The following ACSM3 variants were observed in gnomAD, a reference collection of about 807,000 sequenced individuals.
ACSM3 encodes acyl-CoA synthetase medium chain family member 3.
Under a neutral mutation model 74.1 loss-of-function variants are expected in ACSM3, and 61 were observed. That is an observed-to-expected ratio of 0.82 (90% CI 0.67 to 1.02). The LOEUF is 1.02. Among genes scored for constraint, ACSM3 ranks in the 50% least tolerant of loss-of-function variants. The pLI is 0.00. For synonymous variants in ACSM3, 213 were observed against 241.5 expected (o/e 0.88, Z 1.09); for missense variants, 660 against 697.0 (o/e 0.95, Z 0.60).
At chr16:20,745,537 G>A (rs919720452) in intron 1 of ACSM3, among the ~76,000 whole-genome samples, 3 of 151,996 alleles carry the variant, frequency 2.0e-5, no homozygotes, top group Non-Finnish European at 4.4e-5. Context: ...AGCTGAAATC[G>A]TGCCACTGCA....
rs575618381 is a variant in ACSM3, at chr16:20,745,732, G to A, written c.-189-4178G>A. On this transcript the variant is annotated intron_variant, in intron 1 of 3. Coordinates refer to the ACSM3 transcript ENST00000561584. Reference sequence around the variant, plus strand: ...TCAGAAGGCCTCACAGCCAAGCAAGGGGGGAATGGTGTGACACATTCTAGA... The same window carrying A: ...TCAGAAGGCCTCACAGCCAAGCAAGAGGGGAATGGTGTGACACATTCTAGA... 2.0e-5 allele frequency among the ~76,000 whole-genome samples: 3 copies of A among 152,304 alleles called. No homozygotes were observed. The South Asian group carries it at 6.2e-4, about 32-fold the overall frequency.
chr16:20,731,971 A>G (rs115830603), intron 1 of ACSM3, among the ~76,000 whole-genome samples: 1 of 152,318 alleles, frequency 6.6e-6, no homozygotes, highest in African/African-American at 2.4e-5. Context: ...CTTTCTAGAA[A>G]TAATTTGTCC....
At chr16:20,755,779 T>TCC (rs1168683945) in intron 3 of ACSM3, among the ~76,000 whole-genome samples, 111 of 46,322 alleles carry the variant, frequency 2.4e-3, no homozygotes, top group Admixed American at 4.6e-3. Flanking sequence ...ATGCTATCCC[T>TCC]CCCCCCCCCC....
At chr16:20,761,627 C>A (rs1192406224), upstream of ACSM3, among the ~76,000 whole-genome samples, 2 of 152,144 alleles carry the variant, frequency 1.3e-5, no homozygotes, top group African/African-American at 2.4e-5. Context: ...GCAGGAATGT[C>A]AGGCGACAAT....
chr16:20,714,714 G>A (rs1418672751), intron 1 of ACSM3, among the ~76,000 whole-genome samples: 1 of 152,074 alleles, frequency 6.6e-6, no homozygotes, highest in Non-Finnish European at 1.5e-5. Flanking sequence ...AGAGACAGTC[G>A]ATGTTAGGAT....
At position 20,780,984 on chromosome 16, in the gene ACSM3, G is replaced by A; in HGVS notation, c.793G>A (p.Asp265Asn). The part of the protein sequence containing the change: ...GLSVNGRFWL[D>N]LTPSDVMWNT... ...TCTTTGTTTTCCCAGGTTCTGGCTAGATTTGACACCCTCAGATGTGATGTG... is the reference window on the plus strand; with the variant it reads ...TCTTTGTTTTCCCAGGTTCTGGCTAAATTTGACACCCTCAGATGTGATGTG... Residue 265 changes from aspartate (D) to asparagine (N), a missense_variant, in exon 6 of 14, where the codon GAT (aspartate) becomes AAT (asparagine). Asp to Asn is a conservative substitution (Grantham distance 23). Coordinates refer to ENST00000289416, the MANE Select transcript of ACSM3 (RefSeq NM_005622.4). 1.2e-6 allele frequency: 2 copies of A among 1,614,134 alleles called. No homozygotes were observed. The highest frequency in any genetic ancestry group is 1.7e-6 in the Non-Finnish European group (2 of 1,180,040).
At chr16:20,752,668 G>A (rs2079997604) in intron 2 of ACSM3, among the ~76,000 whole-genome samples, 1 of 152,164 alleles carries the variant, frequency 6.6e-6, no homozygotes, top group African/African-American at 2.4e-5. Flanking sequence ...GAGTGCTAGA[G>A]AAGAAAACCT....
At chr16:20,736,571 A>C (rs2079871279) in intron 1 of ACSM3, 2 of 273,384 alleles carry the variant, frequency 7.3e-6, no homozygotes, top group Non-Finnish European at 1.4e-5. Flanking sequence ...TTTCTACTTC[A>C]CAGGTAGTTC....
intron 1 of ACSM3, among the ~76,000 whole-genome samples, chr16:20,729,874 G>GTC (rs907762281): frequency 3.9e-5 from 6 of 152,032 alleles, no homozygotes; most frequent in Admixed American, 3.9e-4. Context: ...GCAAGTCTTA[G>GTC]TCTCTCTCCA....
At chr16:20,714,208 CAA>C (rs67524952) in intron 1 of ACSM3, among the ~76,000 whole-genome samples, 10 of 134,776 alleles carry the variant, frequency 7.4e-5, no homozygotes, top group Admixed American at 7.5e-5. Context: ...GATATGGAGG[CAA>C]AAAAAAAAAA....
rs1016542138 is a variant in ACSM3, at chr16:20,741,413, G to C, written c.-189-8497G>C. 3.5e-6 allele frequency: 5 copies of C among 1,410,084 alleles called. No individual in the cohort carries two copies. The African/African-American group carries it at 5.8e-5, about 16-fold the overall frequency. 87.3% of individuals were successfully genotyped at this position (1,410,084 alleles called of 1,614,324 possible). On this transcript the variant is annotated intron_variant, in intron 1 of 3. Transcript: ENST00000561584. ...CCTACAGCCGTCACGCCGACGACCC[G>C]AGGCGCGCATGCCCATACCAGCAGC...
intron 1 of ACSM3, among the ~76,000 whole-genome samples, chr16:20,744,950 T>A (rs1247753912): frequency 6.6e-6 from 1 of 152,224 alleles, no homozygotes; most frequent in Non-Finnish European, 1.5e-5. Context: ...GGTTGCTGAC[T>A]GTGCAGAGAA....
chr16:20,704,607 A>C (rs2079721827), intron 1 of ACSM3, among the ~76,000 whole-genome samples: 1 of 152,228 alleles, frequency 6.6e-6, no homozygotes, highest in African/African-American at 2.4e-5. Flanking sequence ...CCAATCCAAA[A>C]TGCTCTCCTA....
intron 1 of ACSM3, among the ~76,000 whole-genome samples, chr16:20,698,537 C>T (rs1276603461): frequency 6.6e-6 from 1 of 152,080 alleles, no homozygotes; most frequent in Non-Finnish European, 1.5e-5. Context: ...GAGACAGAAT[C>T]TCATGCTGTC....
At position 20,717,826 on chromosome 16, in the gene ACSM3, G is replaced by A. The variant is rs189300407; in HGVS notation, c.-189-32084G>A. On this transcript the variant is annotated intron_variant, in intron 1 of 3. Transcript: ENST00000561584. ...AAGCTTAAAAAAAGAAGAAGAGGAA[G>A]GAAGAAGGAAGAAGAAGGAGGAGGA... 2.3e-4 allele frequency among the ~76,000 whole-genome samples: 34 copies of A among 149,104 alleles called. 1 individual carries two copies. In the East Asian group the frequency reaches 6.2e-3, roughly 27 times the overall value.
At chr16:20,697,710 G>A (rs779948770) in intron 1 of ACSM3, 3 of 152,162 alleles carry the variant, frequency 2.0e-5, no homozygotes, top group Non-Finnish European at 2.9e-5. Context: ...TCTTTTGTAG[G>A]TTCAGTTCTC....
At chr16:20,752,361 G>C (rs986602661) in intron 2 of ACSM3, among the ~76,000 whole-genome samples, 1 of 152,104 alleles carries the variant, frequency 6.6e-6, no homozygotes, top group East Asian at 1.9e-4. Flanking sequence ...ATTCACTTCT[G>C]CTCCGTATAA....
intron 1 of ACSM3, among the ~76,000 whole-genome samples, chr16:20,747,525 G>T (rs529288091): frequency 6.6e-6 from 1 of 152,176 alleles, no homozygotes; most frequent in South Asian, 2.1e-4. Context: ...GTGTTAATCC[G>T]CTGGGCTGGT....
At chr16:20,761,365 T>G (rs188526222), upstream of ACSM3, among the ~76,000 whole-genome samples, 55 of 152,372 alleles carry the variant, frequency 3.6e-4, 1 homozygote, top group East Asian at 9.6e-3. Context: ...TCATGATCCT[T>G]AACCATGGCA....
Sources: allele counts gnomAD v4.1 joint callset (sites outside exome capture counted in the v4.1 genomes callset), GRCh38; gene constraint gnomAD v4.1.1; transcripts MANE v1.5; gene names NCBI Gene and HGNC (gene_info 2026-07-23, HGNC 2026-07-21).